Variants in ADGRL3 observed in about 807,000 individuals in gnomAD.
ADGRL3 encodes the protein calcium-independent alpha-latrotoxin receptor 3.
Under a neutral mutation model 153.5 loss-of-function variants are expected in ADGRL3, and 62 were observed. That is an observed-to-expected ratio of 0.40 (90% CI 0.33 to 0.50). The LOEUF (loss-of-function observed/expected upper bound fraction) is 0.50, where lower values mean the gene tolerates loss of function less well. ADGRL3 is among the 20% of genes least tolerant of loss of function. ADGRL3 has a pLI of 0.47. For missense variants in ADGRL3, 1,641 were observed against 1,859.4 expected (o/e 0.88, Z 2.16); for synonymous variants, 710 against 672.5 (o/e 1.06, Z -0.86).
At chr4:61,415,772 TC>T in intron 2 of ADGRL3, among the ~76,000 whole-genome samples, 1 of 152,222 alleles carries the variant, frequency 6.6e-6, no homozygotes, top group South Asian at 2.1e-4. Context: ...ATCTTTTTTT[TC>T]AATATAGCAT....
chr4:61,608,242 A>T (rs968947086), intron 5 of ADGRL3, among the ~76,000 whole-genome samples: 1 of 152,170 alleles, frequency 6.6e-6, no homozygotes, highest in Non-Finnish European at 1.5e-5. Context: ...GTTCCATCTG[A>T]TCCAGTCATG....
At chr4:61,829,468 C>A (rs1263746266) in intron 9 of ADGRL3, among the ~76,000 whole-genome samples, 4 of 152,008 alleles carry the variant, frequency 2.6e-5, no homozygotes, top group African/African-American at 9.7e-5. Flanking sequence ...TGTAAAATTC[C>A]ATACTCAATT....
At chr4:61,686,720 A>G (rs1411109504) in intron 6 of ADGRL3, among the ~76,000 whole-genome samples, 1 of 152,114 alleles carries the variant, frequency 6.6e-6, no homozygotes, top group Admixed American at 6.5e-5. Context: ...CCTGTGCAAT[A>G]GAACAACAAA....
At chr4:61,261,195 T>C (rs115936688) in intron 1 of ADGRL3, among the ~76,000 whole-genome samples, 2 of 146,248 alleles carry the variant, frequency 1.4e-5, no homozygotes, top group Non-Finnish European at 1.5e-5. Flanking sequence ...TCTTCTTTTT[T>C]TTTTTTTTTT....
At chr4:61,956,935 G>A (rs2098969358) in intron 17 of ADGRL3, among the ~76,000 whole-genome samples, 1 of 152,084 alleles carries the variant, frequency 6.6e-6, no homozygotes. Flanking sequence ...TTTGGTTACT[G>A]TAGTATTTTA....
chr4:61,857,686 C>CCTTTCTTCCTTT (rs199979547), intron 9 of ADGRL3, among the ~76,000 whole-genome samples: 12,071 of 148,994 alleles, frequency 0.081, 1,060 homozygotes, highest in African/African-American at 0.21. Flanking sequence ...TTTCTTCCTT[C>CCTTTCTTCCTTT]CTTTCTTCCT....
At position 61,766,031 on chromosome 4, in the gene ADGRL3, G is replaced by A. The variant is rs574941391; in HGVS notation, c.1399+32477G>A. On this transcript the variant is annotated intron_variant, in intron 8 of 26. Transcript: ENST00000683033. ...TGCTGGTGTGTGGCGATTAGGCCTG[G>A]TGGAACTGCCATCAATAAATCAAGC... Among the ~76,000 whole-genome samples the A allele has an allele frequency of 4.0e-3, 611 of 152,270 alleles. 8 individuals are homozygous for A. The highest frequency in any genetic ancestry group is 0.014 in the African/African-American group (582 of 41,524).
intron 1 of ADGRL3, among the ~76,000 whole-genome samples, chr4:61,250,997 T>C (rs1759011160): frequency 6.6e-6 from 1 of 152,206 alleles, no homozygotes; most frequent in East Asian, 1.9e-4. Flanking sequence ...CTTAGAAAAC[T>C]AGATAATTTA....
At chr4:62,036,233 T>C (rs1003484809) in intron 23 of ADGRL3, among the ~76,000 whole-genome samples, 1 of 152,112 alleles carries the variant, frequency 6.6e-6, no homozygotes, top group Non-Finnish European at 1.5e-5. Context: ...AACCCTGTTT[T>C]TTCATTCTAT....
chr4:61,950,994 T>C (rs1447945806), intron 17 of ADGRL3, among the ~76,000 whole-genome samples: 1 of 152,162 alleles, frequency 6.6e-6, no homozygotes, highest in African/African-American at 2.4e-5. Context: ...TAGTTAGAAA[T>C]TGGAGGTGAA....
chr4:61,862,236 A>G (rs769286277), intron 9 of ADGRL3, among the ~76,000 whole-genome samples: 6 of 152,158 alleles, frequency 3.9e-5, no homozygotes, highest in Non-Finnish European at 7.3e-5. Flanking sequence ...GAAAACTAGA[A>G]CAAGCTGGTT....
chr4:61,485,471 A>T lies in ADGRL3; in HGVS notation c.-173-11650A>T, dbSNP rs529000083. Among the ~76,000 whole-genome samples the T allele has an allele frequency of 1.5e-4, 23 of 152,176 alleles. 1 individual carries two copies. Among genetic ancestry groups the T allele is most frequent in the Admixed American group, 1.4e-3 (21 of 15,276 alleles). On this transcript the variant is annotated intron_variant, in intron 2 of 26. Coordinates refer to ENST00000683033, the MANE Select transcript of ADGRL3 (RefSeq NM_001387552.1). ...AAGCCCCTTTTGAAAAAATATTGAA[A>T]TTTTTTAAAAATGTGAATATCAAGC...
intron 9 of ADGRL3, among the ~76,000 whole-genome samples, chr4:61,827,413 A>G (rs1403219388): frequency 6.6e-6 from 1 of 152,196 alleles, no homozygotes; most frequent in Non-Finnish European, 1.5e-5. Flanking sequence ...AAAGACACTG[A>G]CAAAAGAAAT....
chr4:61,823,994 A>G (rs138747075), intron 9 of ADGRL3, among the ~76,000 whole-genome samples: 24,208 of 152,100 alleles, frequency 0.16, 2,104 homozygotes, highest in African/African-American at 0.24. Flanking sequence ...CCTGGGAGGC[A>G]GAGGTTGCAG....
At chr4:61,927,527 A>G (rs192063536) in intron 13 of ADGRL3, among the ~76,000 whole-genome samples, 14 of 152,256 alleles carry the variant, frequency 9.2e-5, no homozygotes, top group African/African-American at 3.1e-4. Context: ...TCACTGTAAT[A>G]TAAAAGGTAG....
intron 5 of ADGRL3, among the ~76,000 whole-genome samples, chr4:61,620,002 G>A (rs1330347322): frequency 6.6e-6 from 1 of 151,652 alleles, no homozygotes; most frequent in South Asian, 2.1e-4. Flanking sequence ...GTAAAATCAC[G>A]AATGAAAAAT....
chr4:61,527,344 T>C (rs946939239), intron 4 of ADGRL3, among the ~76,000 whole-genome samples: 5 of 152,108 alleles, frequency 3.3e-5, no homozygotes, highest in Non-Finnish European at 7.4e-5. Flanking sequence ...ATATATTTTG[T>C]TGATTTATTT....
intron 25 of ADGRL3, among the ~76,000 whole-genome samples, chr4:62,054,571 A>T (rs1168149641): frequency 1.3e-5 from 2 of 151,686 alleles, no homozygotes; most frequent in African/African-American, 2.4e-5. Context: ...TTCAAAAATT[A>T]TAGTTCAGAT....
At chr4:61,210,548 C>CG (rs1217817977) in intron 1 of ADGRL3, among the ~76,000 whole-genome samples, 1 of 151,894 alleles carries the variant, frequency 6.6e-6, no homozygotes, top group Admixed American at 6.6e-5. Context: ...GTTTGTTTCC[C>CG]CCTTCCCCAT....
Sources: gnomAD v4.1 joint callset for allele counts (sites outside exome capture counted in the v4.1 genomes callset) on GRCh38, gnomAD v4.1.1 for gene constraint, MANE v1.5 for transcripts, NCBI Gene and HGNC (gene_info 2026-07-23, HGNC 2026-07-21) for gene names.